IQGAP2: variants seen among roughly 807,000 people sequenced by gnomAD.
The protein encoded by IQGAP2 is ras GTPase-activating-like protein IQGAP2.
Under a neutral mutation model 201.3 loss-of-function variants are expected in IQGAP2, and 173 were observed. The ratio of observed to expected loss-of-function variants is 0.86; its 90% confidence interval spans 0.76 to 0.98. The LOEUF is 0.98. Ranked by LOEUF, IQGAP2 falls within the 50% of genes least tolerant of loss-of-function variation. The pLI is 0.00. For synonymous variants in IQGAP2, 675 were observed against 673.9 expected (o/e 1.00, Z -0.03); for missense variants, 1,687 against 1,864.8 (o/e 0.90, Z 1.76).
chr5:76,609,255 G>C lies in IQGAP2; in HGVS notation c.1358-1765G>C, dbSNP rs778493091. The stretch of plus-strand genomic sequence containing the variant: ...GGTATTTAGAACAGCTTACCCAAGG[G>C]GGGTGACCAGAGAATGGCACTAAAT... On this transcript the variant is annotated intron_variant, in intron 12 of 35. Coordinates refer to ENST00000274364, the MANE Select transcript of IQGAP2 (RefSeq NM_006633.5). 6.5e-6 allele frequency: 10 copies of C among 1,535,160 alleles called. No homozygotes were observed. The African/African-American group carries it at 8.2e-5, about 13-fold the overall frequency.
intron 2 of IQGAP2, among the ~76,000 whole-genome samples, chr5:76,516,406 T>C (rs1758324590): frequency 6.6e-6 from 1 of 152,206 alleles, no homozygotes; most frequent in Non-Finnish European, 1.5e-5. Flanking sequence ...GTTTCACTTA[T>C]AAAAATCATC....
In IQGAP2 at chr5:76,606,062, T is replaced by C. The variant is rs114893572; in HGVS notation, c.1233-117T>C. 5,245 of 853,198 alleles carry C rather than the reference T, an allele frequency of 6.1e-3. 22 individuals carry two copies. Among genetic ancestry groups the C allele is most frequent in the Non-Finnish European group, 7.9e-3 (4,571 of 575,958 alleles). The allele number at this position is 853,198 out of a possible 1,614,324, so 52.9% of individuals were successfully genotyped here. On this transcript the variant is annotated intron_variant, in intron 11 of 35. Coordinates refer to ENST00000274364, the MANE Select transcript of IQGAP2 (RefSeq NM_006633.5). ...TACACAAGACAATTTTATTTGCCTT[T>C]CTACTCTTTGTCTAACTTCATAACA...
intron 5 of IQGAP2, among the ~76,000 whole-genome samples, chr5:76,583,487 A>G (rs1442418512): frequency 1.3e-5 from 2 of 152,162 alleles, no homozygotes; most frequent in African/African-American, 2.4e-5. Flanking sequence ...CCAAACAGAA[A>G]CTATACAATA....
chr5:76,601,394 G>A (rs1180711604), intron 11 of IQGAP2, among the ~76,000 whole-genome samples: 2 of 152,160 alleles, frequency 1.3e-5, no homozygotes, highest in African/African-American at 4.8e-5. Flanking sequence ...GGGCAGTTGG[G>A]CCCCAAACTC....
intron 22 of IQGAP2, among the ~76,000 whole-genome samples, chr5:76,667,489 G>A (rs1464810734): frequency 6.6e-6 from 1 of 152,148 alleles, no homozygotes; most frequent in African/African-American, 2.4e-5. Flanking sequence ...TCTATAACCT[G>A]AACATTATTG....
chr5:76,559,196 T>C (rs879491026), intron 2 of IQGAP2, among the ~76,000 whole-genome samples: 2 of 152,282 alleles, frequency 1.3e-5, no homozygotes, highest in South Asian at 2.1e-4. Flanking sequence ...CCACCGCACC[T>C]GGCCCTCTGT....
intron 1 of IQGAP2, among the ~76,000 whole-genome samples, chr5:76,446,378 G>A (rs753397712): frequency 5.3e-5 from 8 of 151,968 alleles, no homozygotes; most frequent in Non-Finnish European, 1.0e-4. Context: ...TTTTTAATAT[G>A]TAAAATTATT....
chr5:76,528,246 A>C (rs968299518), intron 2 of IQGAP2, among the ~76,000 whole-genome samples: 1 of 151,992 alleles, frequency 6.6e-6, no homozygotes, highest in Non-Finnish European at 1.5e-5. Flanking sequence ...TCCCTCTCTC[A>C]CTGTCTCGCC....
At chr5:76,684,542 A>T (rs7709577) in intron 30 of IQGAP2, among the ~76,000 whole-genome samples, 23,673 of 152,232 alleles carry the variant, frequency 0.16, 2,007 homozygotes, top group Middle Eastern at 0.22. Flanking sequence ...GATTCATGAT[A>T]CAACACCATA....
intron 2 of IQGAP2, among the ~76,000 whole-genome samples, chr5:76,465,114 C>T (rs1754701043): frequency 6.6e-6 from 1 of 152,148 alleles, no homozygotes; most frequent in Admixed American, 6.6e-5. Flanking sequence ...ATAGCCATCT[C>T]AAGAAAACTA....
intron 2 of IQGAP2, among the ~76,000 whole-genome samples, chr5:76,516,749 A>G (rs1758353475): frequency 6.6e-6 from 1 of 152,212 alleles, no homozygotes; most frequent in Non-Finnish European, 1.5e-5. Context: ...TGTGAATTGG[A>G]TCTTTGAAAA....
chr5:76,420,364 A>G (rs1580152746), intron 1 of IQGAP2, among the ~76,000 whole-genome samples: 1 of 145,378 alleles, frequency 6.9e-6, no homozygotes, highest in South Asian at 2.1e-4. Context: ...ATCACGATCT[A>G]TCTTTGGAAC....
intron 1 of IQGAP2, among the ~76,000 whole-genome samples, chr5:76,457,674 A>G (rs1440161723): frequency 6.6e-6 from 1 of 152,144 alleles, no homozygotes; most frequent in African/African-American, 2.4e-5. Context: ...AATTAGGTAG[A>G]TTTTGGGCTA....
In IQGAP2 at chr5:76,707,421, A is replaced by AT. The variant is rs75247437; in HGVS notation, c.*115dup. ...TGAAATCACTGCTTATAAATGTGTG[A>AT]TTTTTTTAAAACGACCAAAACTGTT... On this transcript the variant is annotated 3_prime_UTR_variant, in exon 36 of 36. Coordinates refer to ENST00000274364, the MANE Select transcript of IQGAP2 (RefSeq NM_006633.5). 42 of 664,560 alleles carry AT rather than the reference A, an allele frequency of 6.3e-5. No individual in the cohort carries two copies. In the Middle Eastern group the frequency reaches 1.0e-3, roughly 16 times the overall value. The allele number at this position is 664,560 out of a possible 1,614,324, so 41.2% of individuals were successfully genotyped here.
intron 1 of IQGAP2, chr5:76,441,650 A>T: frequency 3.7e-6 from 1 of 267,600 alleles, no homozygotes; most frequent in Non-Finnish European, 5.7e-6. Context: ...TTGATCTCCT[A>T]TGCTGTTAAT....
At chr5:76,560,284 C>T (rs920072305) in intron 2 of IQGAP2, among the ~76,000 whole-genome samples, 1 of 151,304 alleles carries the variant, frequency 6.6e-6, no homozygotes, top group Non-Finnish European at 1.5e-5. Flanking sequence ...CCCTGAGTAA[C>T]TGGGACCACA....
chr5:76,588,851 A>ACAG, intron 5 of IQGAP2, 55 bp from the exon 6 acceptor site: 1 of 1,034,272 alleles, frequency 9.7e-7, no homozygotes, highest in Non-Finnish European at 1.5e-6. Flanking sequence ...GTAATTTATA[A>ACAG]CATTAAGACT....
chr5:76,438,008 G>GTTT (rs768892670), intron 1 of IQGAP2, among the ~76,000 whole-genome samples: 17 of 91,036 alleles, frequency 1.9e-4, no homozygotes, highest in East Asian at 1.3e-3. Flanking sequence ...TTGGTCTGTA[G>GTTT]TTTTTTTTTT....
chr5:76,424,971 G>A (rs1250359423), intron 1 of IQGAP2, among the ~76,000 whole-genome samples: 2 of 152,202 alleles, frequency 1.3e-5, no homozygotes, highest in Admixed American at 6.5e-5. Flanking sequence ...ATGCATGCAC[G>A]CAGGATTGAT....
Sources: allele counts gnomAD v4.1 joint callset (sites outside exome capture counted in the v4.1 genomes callset), GRCh38; gene constraint gnomAD v4.1.1; transcripts MANE v1.5; gene names NCBI Gene and HGNC (gene_info 2026-07-23, HGNC 2026-07-21).